The following TTC3 variants were observed in gnomAD, a reference collection of about 807,000 sequenced individuals.
TTC3 encodes tetratricopeptide repeat domain 3.
TTC3 carries 180 observed loss-of-function variants against 249.6 expected under a neutral mutation model. That is an observed-to-expected ratio of 0.72 (90% CI 0.64 to 0.82). The LOEUF (loss-of-function observed/expected upper bound fraction) is 0.82, where lower values mean the gene tolerates loss of function less well. TTC3 is among the 40% of genes least tolerant of loss of function. The pLI, the probability that TTC3 is intolerant of heterozygous loss-of-function variation, is 0.00. For missense variants in TTC3, 2,061 were observed against 2,398.4 expected, an observed-to-expected ratio of 0.86 and a Z score of 2.94; for synonymous variants, 717 against 805.0, an observed-to-expected ratio of 0.89 and a Z score of 1.85.
chr21:37,151,790 A>T, intron 25 of TTC3, 103 bp from the exon 26 acceptor site: 1 of 1,321,568 alleles, frequency 7.6e-7, no homozygotes, highest in African/African-American at 1.5e-5. Context: ...CCGGGCTCTG[A>T]TTAAAAAAGG....
intron 27 of TTC3, among the ~76,000 whole-genome samples, chr21:37,156,044 T>G (rs2080036196): frequency 6.6e-6 from 1 of 150,852 alleles, no homozygotes; most frequent in Non-Finnish European, 1.5e-5. Context: ...TTGGGTTTGT[T>G]TTTTTTTTTA....
At chr21:37,128,461 T>C (rs1311563875) in intron 15 of TTC3, among the ~76,000 whole-genome samples, 1 of 152,236 alleles carries the variant, frequency 6.6e-6, no homozygotes, top group African/African-American at 2.4e-5. Flanking sequence ...TTAGTGCTTC[T>C]GAAATGAACT....
intron 16 of TTC3, among the ~76,000 whole-genome samples, chr21:37,132,019 G>A (rs773938369): frequency 6.6e-6 from 1 of 152,130 alleles, no homozygotes; most frequent in East Asian, 1.9e-4. Context: ...GTTGTTACTA[G>A]TGACTACAGA....
intron 31 of TTC3, among the ~76,000 whole-genome samples, chr21:37,162,694 A>G (rs1279771408): frequency 2.6e-5 from 4 of 151,782 alleles, no homozygotes; most frequent in Non-Finnish European, 5.9e-5. Context: ...TTCTTTAAGT[A>G]GGGTAATTGT....
At chr21:37,191,519 C>T in intron 40 of TTC3, 95 bp downstream of exon 40, 2 of 664,018 alleles carry the variant, frequency 3.0e-6, no homozygotes, top group East Asian at 3.4e-5. Flanking sequence ...TCTTTTTTAT[C>T]TATTATTATC....
At chr21:37,107,254 G>A (rs1454462213) in intron 10 of TTC3, among the ~76,000 whole-genome samples, 1 of 152,212 alleles carries the variant, frequency 6.6e-6, no homozygotes, top group Non-Finnish European at 1.5e-5. Context: ...GGATAAGTCA[G>A]TGAGTTGGGT....
intron 11 of TTC3, among the ~76,000 whole-genome samples, chr21:37,115,905 G>A (rs904365444): frequency 6.6e-6 from 1 of 152,070 alleles, no homozygotes; most frequent in African/African-American, 2.4e-5. Context: ...AACATTCCTT[G>A]GCCTCATTAC....
intron 10 of TTC3, among the ~76,000 whole-genome samples, chr21:37,102,514 C>T (rs1207172256): frequency 1.3e-5 from 2 of 152,130 alleles, no homozygotes; most frequent in African/African-American, 4.8e-5. Context: ...AATTGGAGAA[C>T]AGGCCTTAAG....
At chr21:37,200,087 G>T in intron 44 of TTC3, 145 bp from the exon 45 acceptor site, 1 of 520,976 alleles carries the variant, frequency 1.9e-6, no homozygotes, top group Non-Finnish European at 3.3e-6. Flanking sequence ...AAAATAAGTT[G>T]TTTCCTCAGA....
At chr21:37,152,086 T>G (rs924741819) in intron 26 of TTC3, 57 bp downstream of exon 26, 7 of 1,458,824 alleles carry the variant, frequency 4.8e-6, no homozygotes, top group Non-Finnish European at 6.3e-6. Flanking sequence ...AATGTATAAA[T>G]GTAAGCATCT....
chr21:37,106,557 A>T (rs1016727086), intron 10 of TTC3, among the ~76,000 whole-genome samples: 1 of 152,100 alleles, frequency 6.6e-6, no homozygotes, highest in South Asian at 2.1e-4. Context: ...GTCCATCTGG[A>T]CCTGGTGTTT....
chr21:37,195,942 C>T, exon 42 of TTC3: 1 of 1,614,232 alleles, frequency 6.2e-7, no homozygotes, highest in Non-Finnish European at 8.5e-7. Context: ...GCAGCCTGTT[C>T]CTCCAGGACG....
intron 35 of TTC3, among the ~76,000 whole-genome samples, chr21:37,177,572 C>T (rs1419120349): frequency 1.3e-5 from 2 of 152,316 alleles, no homozygotes; most frequent in Non-Finnish European, 1.5e-5. Flanking sequence ...ACATTGTTCT[C>T]TAATTTAATG....
intron 35 of TTC3, among the ~76,000 whole-genome samples, chr21:37,176,971 T>G (rs890666735): frequency 1.3e-5 from 2 of 152,154 alleles, no homozygotes; most frequent in African/African-American, 2.4e-5. Flanking sequence ...GCTGAGTGAC[T>G]CCCAGCCACA....
chr21:37,141,935 G>T (rs1054599822), intron 20 of TTC3, among the ~76,000 whole-genome samples: 1 of 152,152 alleles, frequency 6.6e-6, no homozygotes, highest in African/African-American at 2.4e-5. Context: ...TGGGATGCAA[G>T]GCTGGTTCAA....
chr21:37,117,229 C>T (rs1388612562), intron 11 of TTC3, among the ~76,000 whole-genome samples: 1 of 152,042 alleles, frequency 6.6e-6, no homozygotes, highest in Non-Finnish European at 1.5e-5. Context: ...TTGTAAAATT[C>T]CCCAGGTGGA....
intron 13 of TTC3, 45 bp from the exon 14 acceptor site, chr21:37,124,574 T>C: frequency 1.3e-6 from 2 of 1,593,890 alleles, no homozygotes; most frequent in South Asian, 2.3e-5. Flanking sequence ...ATTCAAAGGA[T>C]AACTTTCAAA....
At chr21:37,163,004 T>A (rs1246137790) in intron 31 of TTC3, among the ~76,000 whole-genome samples, 1 of 152,188 alleles carries the variant, frequency 6.6e-6, no homozygotes, top group African/African-American at 2.4e-5. Flanking sequence ...AGAATCCACA[T>A]CCTAACACCA....
At chr21:37,126,235 C>A in intron 15 of TTC3, 92 bp downstream of exon 15, 1 of 1,078,820 alleles carries the variant, frequency 9.3e-7, no homozygotes, top group Non-Finnish European at 1.4e-6. Flanking sequence ...TTGCTTATAT[C>A]CACTCTTGTT....
Sources: allele counts gnomAD v4.1 joint callset (sites outside exome capture counted in the v4.1 genomes callset), GRCh38; gene constraint gnomAD v4.1.1; transcripts MANE v1.5; gene names NCBI Gene and HGNC (gene_info 2026-07-23, HGNC 2026-07-21).